ANKFN1: variants seen among roughly 807,000 people sequenced by gnomAD.
ANKFN1 encodes the protein ankyrin repeat and fibronectin type III domain containing 1.
In ANKFN1, 74 loss-of-function variants were observed where a neutral mutation model predicts 108.7. The observed-to-expected ratio is 0.68, with a 90% CI of 0.56 to 0.83. The LOEUF (loss-of-function observed/expected upper bound fraction) is 0.83, where lower values mean the gene tolerates loss of function less well. ANKFN1 is among the 40% of genes least tolerant of loss of function. ANKFN1 has a pLI of 0.00. For synonymous variants in ANKFN1, 547 were observed against 516.2 expected (o/e 1.06, Z -0.81); for missense variants, 1,505 against 1,382.3 (o/e 1.09, Z -1.41).
In ANKFN1 at chr17:56,343,744, T is replaced by A. The variant is rs1325055789; in HGVS notation, c.189-7022T>A. Among the ~76,000 whole-genome samples, 12 of 152,042 alleles carry A rather than the reference T, an allele frequency of 7.9e-5. 1 individual carries two copies. Among genetic ancestry groups the A allele is most frequent in the Middle Eastern group, 3.4e-3 (1 of 294 alleles). On this transcript the variant is annotated intron_variant, in intron 4 of 20. Transcript: ENST00000682825. ...TACTTGACAGTGTTCCAAGGATCTC[T>A]GCACTCTTCACATTTCTTCATATTT...
intron 1 of ANKFN1, among the ~76,000 whole-genome samples, chr17:56,170,807 T>TATATATATACACACACACACACAC (rs1361307404): frequency 1.6e-5 from 1 of 61,462 alleles, no homozygotes; most frequent in African/African-American, 7.0e-5. Flanking sequence ...TATATATATA[T>TATATATATACACACACACACACAC]ACACACACAC....
intron 8 of ANKFN1, among the ~76,000 whole-genome samples, chr17:56,386,962 G>A (rs1211920976): frequency 6.6e-6 from 1 of 151,946 alleles, no homozygotes; most frequent in Non-Finnish European, 1.5e-5. Flanking sequence ...TCTGGATTAC[G>A]ATTACTGATA....
chr17:56,173,652 G>T (rs548268149), intron 1 of ANKFN1, among the ~76,000 whole-genome samples: 3 of 152,062 alleles, frequency 2.0e-5, no homozygotes, highest in Admixed American at 1.3e-4. Flanking sequence ...TGTAGCAACA[G>T]GTTCTCCCTA....
chr17:56,401,909 C>G (rs1382265055), intron 8 of ANKFN1, among the ~76,000 whole-genome samples: 1 of 152,034 alleles, frequency 6.6e-6, no homozygotes, highest in Non-Finnish European at 1.5e-5. Flanking sequence ...TAAAGCAATG[C>G]TGGATTTTGT....
chr17:56,381,471 G>C (rs1206421444), intron 8 of ANKFN1, among the ~76,000 whole-genome samples: 1 of 152,232 alleles, frequency 6.6e-6, no homozygotes, highest in African/African-American at 2.4e-5. Context: ...GAAGGCATCA[G>C]ACGATCAAAC....
chr17:56,420,367 T>C (rs566346765), intron 8 of ANKFN1, among the ~76,000 whole-genome samples: 171 of 152,318 alleles, frequency 1.1e-3, no homozygotes, highest in South Asian at 5.0e-3. Flanking sequence ...CTATGGCAAA[T>C]AGTTAAAATA....
chr17:56,074,548 G>A (rs1198765525), intron 4 of ANKFN1, among the ~76,000 whole-genome samples: 1 of 152,192 alleles, frequency 6.6e-6, no homozygotes, highest in Non-Finnish European at 1.5e-5. Flanking sequence ...CTGACAGCTG[G>A]TGAGGGATTT....
intron 1 of ANKFN1, among the ~76,000 whole-genome samples, chr17:56,209,405 A>G (rs1378902940): frequency 6.6e-6 from 1 of 152,242 alleles, no homozygotes; most frequent in African/African-American, 2.4e-5. Context: ...TAGGATATCA[A>G]TAGGATAACA....
At chr17:56,184,102 T>C (rs778259480) in intron 1 of ANKFN1, among the ~76,000 whole-genome samples, 2 of 152,206 alleles carry the variant, frequency 1.3e-5, no homozygotes, top group Non-Finnish European at 2.9e-5. Flanking sequence ...GTGGCAGAGT[T>C]TGAGAGGATT....
chr17:56,102,162 T>G (rs1055793657), intron 4 of ANKFN1, among the ~76,000 whole-genome samples: 3 of 151,882 alleles, frequency 2.0e-5, no homozygotes, highest in Non-Finnish European at 2.9e-5. Flanking sequence ...TTGTAAAGAG[T>G]TTTTACATAT....
chr17:56,246,617 A>C (rs1407531811), intron 3 of ANKFN1, among the ~76,000 whole-genome samples: 2 of 152,282 alleles, frequency 1.3e-5, no homozygotes, highest in African/African-American at 4.8e-5. Flanking sequence ...AATAAATGTT[A>C]TAATTTTTAT....
intron 4 of ANKFN1, among the ~76,000 whole-genome samples, chr17:56,051,621 G>A (rs371774151): frequency 1.0e-3 from 144 of 139,780 alleles, no homozygotes; most frequent in African/African-American, 3.7e-3. Context: ...AAAAGAGGAA[G>A]TCAAATTGTC....
At chr17:56,477,698 GC>G in intron 16 of ANKFN1, 44 bp downstream of exon 16, 1 of 1,591,724 alleles carries the variant, frequency 6.3e-7, no homozygotes, top group Non-Finnish European at 8.6e-7. Flanking sequence ...TGAAACAGTG[GC>G]TCAAGTGACC....
intron 8 of ANKFN1, among the ~76,000 whole-genome samples, chr17:56,440,088 C>CA (rs68177367): frequency 0.72 from 109,976 of 151,898 alleles, 40,470 homozygotes; most frequent in East Asian, 0.96. Context: ...TATCAAGGCT[C>CA]AAAAAAACTG....
intron 8 of ANKFN1, among the ~76,000 whole-genome samples, chr17:56,433,342 A>T (rs1030991992): frequency 6.6e-6 from 1 of 152,182 alleles, no homozygotes; most frequent in African/African-American, 2.4e-5. Context: ...TCAATGACAT[A>T]AGCAACTTCT....
intron 3 of ANKFN1, among the ~76,000 whole-genome samples, chr17:56,274,477 AAATAATAATAATAAT>A (rs985887284): frequency 3.9e-5 from 6 of 152,060 alleles, no homozygotes; most frequent in African/African-American, 1.4e-4. Flanking sequence ...CGCCTCAAAA[AAATAATAATAATAAT>A]AATTCTACTA....
At chr17:56,152,580 C>T (rs1383186636), upstream of ANKFN1, among the ~76,000 whole-genome samples, 1 of 152,078 alleles carries the variant, frequency 6.6e-6, no homozygotes, top group African/African-American at 2.4e-5. Context: ...TAAGCCACAT[C>T]TGCTGAGCCT....
At chr17:56,336,155 G>A (rs1318167738) in intron 4 of ANKFN1, among the ~76,000 whole-genome samples, 1 of 152,140 alleles carries the variant, frequency 6.6e-6, no homozygotes, top group Non-Finnish European at 1.5e-5. Context: ...ATGTTCATCA[G>A]GGATATTGGT....
intron 4 of ANKFN1, among the ~76,000 whole-genome samples, chr17:56,121,463 T>G (rs1004089797): frequency 1.3e-5 from 2 of 152,164 alleles, no homozygotes; most frequent in African/African-American, 2.4e-5. Flanking sequence ...ATCTGACAGC[T>G]TCTTAAAGAT....
Sources: gnomAD v4.1 joint callset for allele counts (sites outside exome capture counted in the v4.1 genomes callset) on GRCh38, gnomAD v4.1.1 for gene constraint, MANE v1.5 for transcripts, NCBI Gene and HGNC (gene_info 2026-07-23, HGNC 2026-07-21) for gene names.